The following PRKG1 variants were observed in gnomAD, a reference collection of about 807,000 sequenced individuals.
The protein encoded by PRKG1 is protein kinase cGMP-dependent 1.
Under a neutral mutation model 88.1 loss-of-function variants are expected in PRKG1, and 35 were observed. That is an observed-to-expected ratio of 0.40 (90% CI 0.30 to 0.53). The LOEUF (loss-of-function observed/expected upper bound fraction) is 0.53, where lower values mean the gene tolerates loss of function less well. PRKG1 is among the 20% of genes least tolerant of loss of function. The pLI is 0.59. For missense variants in PRKG1, 540 were observed against 839.8 expected, an observed-to-expected ratio of 0.64 and a Z score of 4.41; for synonymous variants, 303 against 292.5, an observed-to-expected ratio of 1.04 and a Z score of -0.37.
intron 2 of PRKG1, among the ~76,000 whole-genome samples, chr10:51,450,730 A>T (rs1399550725): frequency 1.3e-5 from 2 of 151,914 alleles, no homozygotes; most frequent in African/African-American, 4.8e-5. Context: ...GTTGGAAGGG[A>T]TGAGATACTT....
At chr10:52,234,212 G>GA (rs1456275573) in intron 9 of PRKG1, among the ~76,000 whole-genome samples, 1 of 152,096 alleles carries the variant, frequency 6.6e-6, no homozygotes, top group African/African-American at 2.4e-5. Context: ...CAAAGATGGG[G>GA]AAAAAAACAG....
intron 5 of PRKG1, among the ~76,000 whole-genome samples, chr10:51,957,994 C>T (rs962630594): frequency 1.3e-5 from 2 of 152,004 alleles, no homozygotes; most frequent in Non-Finnish European, 2.9e-5. Context: ...GCAAAATTCT[C>T]AAAGTAGAGT....
At chr10:51,422,645 T>C (rs1259929860) in intron 2 of PRKG1, among the ~76,000 whole-genome samples, 13 of 151,228 alleles carry the variant, frequency 8.6e-5, no homozygotes, top group African/African-American at 3.2e-4. Flanking sequence ...CTGTCCTTTT[T>C]CATCTTGAAT....
At chr10:51,885,947 G>C (rs536541626) in intron 4 of PRKG1, among the ~76,000 whole-genome samples, 1 of 152,104 alleles carries the variant, frequency 6.6e-6, no homozygotes, top group African/African-American at 2.4e-5. Context: ...TTTCTTCTGA[G>C]TTCTCAAAAC....
intron 1 of PRKG1, chr10:51,062,460 G>A (rs779660070): frequency 6.6e-6 from 1 of 151,944 alleles, no homozygotes; most frequent in East Asian, 1.9e-4. Flanking sequence ...TTGCTGCTTG[G>A]GAGTTTTCCA....
At chr10:50,998,989 T>C (rs1006361115) in intron 1 of PRKG1, among the ~76,000 whole-genome samples, 2 of 152,230 alleles carry the variant, frequency 1.3e-5, no homozygotes, top group Non-Finnish European at 1.5e-5. Flanking sequence ...TCACCAACTT[T>C]GGGGTATACT....
intron 8 of PRKG1, among the ~76,000 whole-genome samples, chr10:52,160,103 T>C (rs1438635490): frequency 6.6e-6 from 1 of 151,886 alleles, no homozygotes; most frequent in Non-Finnish European, 1.5e-5. Context: ...CCCCAGAAAA[T>C]TAGCCAGATA....
At chr10:51,772,174 T>C (rs1838320832) in intron 3 of PRKG1, among the ~76,000 whole-genome samples, 1 of 152,158 alleles carries the variant, frequency 6.6e-6, no homozygotes, top group Admixed American at 6.6e-5. Context: ...CCTGCTGCTA[T>C]GTAAATTGAC....
chr10:51,118,716 C>T (rs1012517953), intron 1 of PRKG1, among the ~76,000 whole-genome samples: 6 of 152,074 alleles, frequency 3.9e-5, no homozygotes, highest in Admixed American at 6.6e-5. Context: ...CTGATTCCTA[C>T]GTCTTCCCTC....
At chr10:51,125,196 C>T (rs1389839241) in intron 1 of PRKG1, among the ~76,000 whole-genome samples, 1 of 151,878 alleles carries the variant, frequency 6.6e-6, no homozygotes, top group Non-Finnish European at 1.5e-5. Flanking sequence ...TTTTGGCATG[C>T]AGCTGTGGTC....
At chr10:51,656,621 G>T (rs1159724153) in intron 3 of PRKG1, among the ~76,000 whole-genome samples, 1 of 152,070 alleles carries the variant, frequency 6.6e-6, no homozygotes, top group African/African-American at 2.4e-5. Flanking sequence ...CCTAACTCAT[G>T]TTCATTTGCC....
chr10:52,032,468 G>C (rs1589538081), intron 5 of PRKG1, among the ~76,000 whole-genome samples: 1 of 152,110 alleles, frequency 6.6e-6, no homozygotes, highest in African/African-American at 2.4e-5. Context: ...TTAACACACT[G>C]TCTAGCTTGT....
intron 1 of PRKG1, among the ~76,000 whole-genome samples, chr10:51,036,712 G>A (rs564412318): frequency 1.3e-5 from 2 of 152,232 alleles, no homozygotes; most frequent in Admixed American, 1.3e-4. Flanking sequence ...GCTCCTATTT[G>A]GGACTGTCTG....
intron 2 of PRKG1, among the ~76,000 whole-genome samples, chr10:51,191,452 T>G (rs1837628571): frequency 1.3e-5 from 2 of 151,872 alleles, no homozygotes; most frequent in South Asian, 4.1e-4. Flanking sequence ...TGGAGCAGTG[T>G]CTGGCTCATA....
intron 5 of PRKG1, among the ~76,000 whole-genome samples, chr10:51,961,518 G>T (rs1203011044): frequency 6.6e-6 from 1 of 152,166 alleles, no homozygotes; most frequent in East Asian, 1.9e-4. Context: ...TCAGCAATTG[G>T]TGCTCAAGTG....
At chr10:51,831,252 C>T (rs16923827) in intron 4 of PRKG1, among the ~76,000 whole-genome samples, 6,809 of 151,986 alleles carry the variant, frequency 0.045, 329 homozygotes, top group East Asian at 0.12. Flanking sequence ...CAATGTGTCA[C>T]TTATTTATGT....
chr10:52,051,214 G>A (rs1474675491), intron 5 of PRKG1, among the ~76,000 whole-genome samples: 1 of 152,130 alleles, frequency 6.6e-6, no homozygotes, highest in Non-Finnish European at 1.5e-5. Flanking sequence ...TGGATGAGGG[G>A]AATGAGCTCA....
chr10:51,646,237 A>G lies in PRKG1; in HGVS notation c.593-158348A>G, dbSNP rs1213315027. On this transcript the variant is annotated intron_variant, in intron 3 of 17. Transcript: ENST00000373980. ...CTATTAGTACAACCTTGAGCAAGCTACCTAATTATTTTAGATCTCAGTTTT... is the reference window on the plus strand; with the variant it reads ...CTATTAGTACAACCTTGAGCAAGCTGCCTAATTATTTTAGATCTCAGTTTT... Among the ~76,000 whole-genome samples the G allele has an allele frequency of 1.2e-4, 18 of 152,300 alleles. No individual in the cohort carries two copies. In the East Asian group the frequency reaches 3.5e-3, roughly 29 times the overall value.
At chr10:51,848,794 A>G (rs950070808) in intron 4 of PRKG1, among the ~76,000 whole-genome samples, 10 of 151,106 alleles carry the variant, frequency 6.6e-5, no homozygotes, top group Non-Finnish European at 1.3e-4. Flanking sequence ...GGTACAAGCC[A>G]CTTCTCAGCC....
Sources: gnomAD v4.1 joint callset for allele counts (sites outside exome capture counted in the v4.1 genomes callset) on GRCh38, gnomAD v4.1.1 for gene constraint, MANE v1.5 for transcripts, NCBI Gene and HGNC (gene_info 2026-07-23, HGNC 2026-07-21) for gene names.